NIN: variants seen among roughly 807,000 people sequenced by gnomAD.
The protein encoded by NIN is glycogen synthase kinase 3 beta-interacting protein.
A neutral mutation model predicts 257.6 loss-of-function variants in NIN; 137 were observed. That is an observed-to-expected ratio of 0.53 (90% CI 0.46 to 0.61). The LOEUF (loss-of-function observed/expected upper bound fraction) is 0.61, where lower values mean the gene tolerates loss of function less well. Ranked by LOEUF, NIN falls within the 20% of genes least tolerant of loss-of-function variation. The probability of loss-of-function intolerance (pLI) is 0.00; values close to 1 mark genes in which losing one functional copy is unlikely to be tolerated. For synonymous variants in NIN, 918 were observed against 919.8 expected (o/e 1.00, Z 0.04); for missense variants, 2,439 against 2,501.2 (o/e 0.98, Z 0.53).
chr14:50,734,840 C>G (rs2040898274), intron 28 of NIN, among the ~76,000 whole-genome samples: 1 of 149,944 alleles, frequency 6.7e-6, no homozygotes, highest in African/African-American at 2.4e-5. Context: ...CCACACCTGG[C>G]TAATTTTTGT....
intron 3 of NIN, among the ~76,000 whole-genome samples, chr14:50,820,754 CAT>C (rs1362341950): frequency 6.6e-6 from 1 of 152,196 alleles, no homozygotes; most frequent in African/African-American, 2.4e-5. Flanking sequence ...AAAGAAGTCA[CAT>C]ATTTTTTTCA....
chr14:50,824,647 A>T (rs2045381667), intron 2 of NIN, among the ~76,000 whole-genome samples: 1 of 152,176 alleles, frequency 6.6e-6, no homozygotes, highest in African/African-American at 2.4e-5. Context: ...TTTCTTTTAT[A>T]TCTTCCCCCA....
chr14:50,745,107 A>T (rs1419878101), intron 22 of NIN, among the ~76,000 whole-genome samples: 5 of 151,960 alleles, frequency 3.3e-5, no homozygotes. Context: ...TTTCCTCTCC[A>T]CTTCATGAAA....
intron 2 of NIN, among the ~76,000 whole-genome samples, chr14:50,823,954 A>C (rs373611858): frequency 1.2e-4 from 18 of 152,338 alleles, no homozygotes; most frequent in East Asian, 7.7e-4. Context: ...CGCTAACAAG[A>C]TTCACTTAGA....
chr14:50,771,076 C>G, intron 10 of NIN, 84 bp from the exon 11 acceptor site: 1 of 1,498,762 alleles, frequency 6.7e-7, no homozygotes, highest in Non-Finnish European at 9.0e-7. Flanking sequence ...TGGCTTGCAT[C>G]AATACAGAAG....
At position 50,726,088 on chromosome 14, in the gene NIN, T is replaced by C. The variant is rs1475506100; in HGVS notation, c.6079-22A>G. On this transcript the variant is annotated intron_variant, in intron 29 of 30. Coordinates refer to ENST00000530997, the MANE Select transcript of NIN (RefSeq NM_020921.4). The stretch of plus-strand genomic sequence containing the variant: ...TTCCCTGAAGGGAAGAAAAGTATAT[T>C]ATTCGAAAATCATGTCACACTGAAA... The C allele has an allele frequency of 2.5e-6, 4 of 1,571,112 alleles. No homozygotes were observed. In the East Asian group the frequency reaches 9.0e-5, roughly 35 times the overall value.
Position 50,806,648 on chromosome 14 carries a change from A to G in NIN, c.265+89T>C, listed in dbSNP as rs138291154. ...AATCTGTGAAAGGCAGATGTCCCCA[A>G]TCCTTCATATACATGCTTCAAGGTC... On this transcript the variant is annotated intron_variant, in intron 4 of 30. Transcript: ENST00000530997. 394 of 686,292 alleles carry G rather than the reference A, an allele frequency of 5.7e-4. 2 individuals carry two copies. The highest frequency in any genetic ancestry group is 5.0e-3 in the African/African-American group (271 of 54,312). 42.5% of individuals were successfully genotyped at this position (686,292 alleles called of 1,614,324 possible). A position where few individuals can be genotyped will look rare whatever the true frequency, so the allele number is the denominator to read the frequency against.
rs554140154 is a variant in NIN, at chr14:50,762,132, A to G, written c.1775-221T>C. Among the ~76,000 whole-genome samples, 118 of 152,348 alleles carry G rather than the reference A, an allele frequency of 7.7e-4. 2 individuals are homozygous for G. Among genetic ancestry groups the G allele is most frequent in the African/African-American group, 2.7e-3 (113 of 41,578 alleles). On this transcript the variant is annotated intron_variant, in intron 15 of 30. Transcript: ENST00000530997. ...AAGGTGAACAGATTCTTTCATGTAC[A>G]GGCAGTGGAAAAAACCTTAATAGAA...
At position 50,766,345 on chromosome 14, in the gene NIN, GTC is replaced by G; in HGVS notation, c.1595_1596del (p.Arg532ThrfsTer7). On this transcript the variant is annotated frameshift_variant, in exon 14 of 31. Coordinates refer to ENST00000530997, the MANE Select transcript of NIN (RefSeq NM_020921.4). LOFTEE classifies it high-confidence loss of function. Reference protein sequence around the residue: ...SSAEFFLQEERLTQMRNEYER... With the variant: ...SSAEFFLQEEXLTQMRNEYER... ...TCATATTCATTTCTCATCTGTGTCA[GTC>G]TCTCTTCTTGCAGGAAGAACTCAGC... 6.2e-7 allele frequency: 1 copy of G among 1,614,058 alleles called. No individual in the cohort carries two copies. The highest frequency in any genetic ancestry group is 8.5e-7 in the Non-Finnish European group (1 of 1,179,984).
chr14:50,789,431 G>A (rs999487698), intron 5 of NIN, among the ~76,000 whole-genome samples: 2 of 152,198 alleles, frequency 1.3e-5, no homozygotes, highest in Non-Finnish European at 2.9e-5. Flanking sequence ...AAATTAGCCA[G>A]GCATGGTGGC....
intron 11 of NIN, 74 bp downstream of exon 11, chr14:50,770,778 C>G (rs1595830080): frequency 6.6e-7 from 1 of 1,524,068 alleles, no homozygotes; most frequent in Non-Finnish European, 8.8e-7. Flanking sequence ...CACTGTTCTG[C>G]CCCTGCAGCT....
In NIN at chr14:50,796,426, C is replaced by T. The variant is rs141918901; in HGVS notation, c.266-3545G>A. Among the ~76,000 whole-genome samples the T allele has an allele frequency of 8.5e-3, 1,292 of 152,248 alleles. 9 individuals are homozygous for T. Among genetic ancestry groups the T allele is most frequent in the Non-Finnish European group, 0.013 (867 of 68,012 alleles). On this transcript the variant is annotated intron_variant, in intron 4 of 30. Transcript: ENST00000530997. The stretch of plus-strand genomic sequence containing the variant: ...AGTGAGTGACAGTCTCTACAGAGCA[C>T]GTGGGGAAAACATCTGATTCGAGAG...
At chr14:50,731,576 C>G (rs1375049556) in intron 28 of NIN, among the ~76,000 whole-genome samples, 1 of 151,086 alleles carries the variant, frequency 6.6e-6, no homozygotes, top group Admixed American at 6.6e-5. Context: ...TGGCTCACGC[C>G]TGTAATCCCA....
Position 50,791,827 on chromosome 14 carries a change from A to ACACACACACT in NIN, c.435+884_435+885insAGTGTGTGTG, listed in dbSNP as rs1352990406. On this transcript the variant is annotated intron_variant, in intron 5 of 30. Coordinates refer to ENST00000530997, the MANE Select transcript of NIN (RefSeq NM_020921.4). ...CACGCGCACACACACACACACACAC[A>ACACACACACT]CACACACACACAGAGTCCACTGGCA... is the stretch of plus-strand genomic sequence containing the variant. Among the ~76,000 whole-genome samples, 3 of 152,090 alleles carry ACACACACACT rather than the reference A, an allele frequency of 2.0e-5. No homozygotes were observed. The East Asian group carries it at 5.8e-4, about 29-fold the overall frequency.
At chr14:50,773,501 G>T (rs2042809049) in intron 7 of NIN, among the ~76,000 whole-genome samples, 1 of 152,184 alleles carries the variant, frequency 6.6e-6, no homozygotes, top group South Asian at 2.1e-4. Flanking sequence ...ATACTGTGGT[G>T]ACCCTCAGTG....
Position 50,741,476 on chromosome 14 carries a change from A to G in NIN, c.5448+106T>C, listed in dbSNP as rs927690520. On this transcript the variant is annotated intron_variant, in intron 25 of 30. Transcript: ENST00000530997. ...ACAAACACAGATACATAAAATATGCATATTTATATGTACATACATATACAC... is the reference window on the plus strand; with the variant it reads ...ACAAACACAGATACATAAAATATGCGTATTTATATGTACATACATATACAC... The G allele has an allele frequency of 7.0e-6, 6 of 852,010 alleles. No homozygotes were observed. In the African/African-American group the frequency reaches 8.7e-5, roughly 12 times the overall value. 52.8% of individuals were successfully genotyped at this position (852,010 alleles called of 1,614,324 possible). A position where few individuals can be genotyped will look rare whatever the true frequency, so the allele number is the denominator to read the frequency against.
intron 4 of NIN, among the ~76,000 whole-genome samples, chr14:50,794,715 G>C (rs369820408): frequency 7.3e-5 from 11 of 151,378 alleles, no homozygotes; most frequent in African/African-American, 2.7e-4. Context: ...CCTGGGGATG[G>C]AAGTGGCGAA....
chr14:50,763,216 C>T lies in NIN; in HGVS notation c.1774+610G>A, dbSNP rs368102423. 5.9e-5 allele frequency among the ~76,000 whole-genome samples: 9 copies of T among 152,110 alleles called. No homozygotes were observed. In the East Asian group the frequency reaches 9.7e-4, roughly 16 times the overall value. ...CTCTGAAATTTAAACTCAACACCCCCGAGAAAAGAGGTAGGCTATCAGGAG... is the reference window on the plus strand; with the variant it reads ...CTCTGAAATTTAAACTCAACACCCCTGAGAAAAGAGGTAGGCTATCAGGAG... On this transcript the variant is annotated intron_variant, in intron 15 of 30. Coordinates refer to ENST00000530997, the MANE Select transcript of NIN (RefSeq NM_020921.4).
intron 3 of NIN, among the ~76,000 whole-genome samples, chr14:50,813,956 G>C (rs555034107): frequency 6.6e-6 from 1 of 152,132 alleles, no homozygotes; most frequent in African/African-American, 2.4e-5. Context: ...AATGCTTACA[G>C]CATTATGCAA....
Sources: allele counts gnomAD v4.1 joint callset (sites outside exome capture counted in the v4.1 genomes callset), GRCh38; gene constraint gnomAD v4.1.1; transcripts MANE v1.5; gene names NCBI Gene and HGNC (gene_info 2026-07-23, HGNC 2026-07-21).